Variants in LHFPL2 observed in about 807,000 individuals in gnomAD.
LHFPL2 encodes LHFPL tetraspan subfamily member 2.
LHFPL2 carries 7 observed loss-of-function variants against 17.5 expected under a neutral mutation model. The observed-to-expected ratio is 0.40, with a 90% CI of 0.23 to 0.75. The LOEUF (loss-of-function observed/expected upper bound fraction) is 0.75, where lower values mean the gene tolerates loss of function less well. Among genes scored for constraint, LHFPL2 ranks in the 30% least tolerant of loss-of-function variants. The pLI is 0.37. For synonymous variants in LHFPL2, 134 were observed against 116.2 expected, an observed-to-expected ratio of 1.15 and a Z score of -0.99; for missense variants, 241 against 294.8, an observed-to-expected ratio of 0.82 and a Z score of 1.34.
intron 3 of LHFPL2, among the ~76,000 whole-genome samples, chr5:78,564,182 A>G (rs1413919732): frequency 6.6e-6 from 1 of 152,192 alleles, no homozygotes; most frequent in African/African-American, 2.4e-5. Flanking sequence ...CCTTGGGAGA[A>G]GCAGGGCTGG....
At chr5:78,620,954 A>G (rs1017080714) in intron 2 of LHFPL2, among the ~76,000 whole-genome samples, 1 of 147,808 alleles carries the variant, frequency 6.8e-6, no homozygotes, top group Non-Finnish European at 1.5e-5. Flanking sequence ...AAAGAAAATC[A>G]TCATTCTCAA....
intron 2 of LHFPL2, among the ~76,000 whole-genome samples, chr5:78,612,978 T>C (rs1470062306): frequency 6.6e-6 from 1 of 152,178 alleles, no homozygotes; most frequent in East Asian, 1.9e-4. Flanking sequence ...GCATAGCTGG[T>C]GATCTTGAAG....
chr5:78,623,559 A>G (rs561339582), intron 2 of LHFPL2, among the ~76,000 whole-genome samples: 7 of 152,364 alleles, frequency 4.6e-5, no homozygotes, highest in African/African-American at 1.7e-4. Context: ...TCCACAGGCA[A>G]TGCTGAAACT....
intron 4 of LHFPL2, among the ~76,000 whole-genome samples, chr5:78,503,083 G>A (rs1043145073): frequency 6.6e-6 from 1 of 152,112 alleles, no homozygotes; most frequent in African/African-American, 2.4e-5. Context: ...GGCTGACCGC[G>A]CTGTAGGACA....
At chr5:78,554,293 T>TG (rs1159211586) in intron 3 of LHFPL2, among the ~76,000 whole-genome samples, 1 of 152,248 alleles carries the variant, frequency 6.6e-6, no homozygotes, top group Non-Finnish European at 1.5e-5. Context: ...CACAAGGAGT[T>TG]GGCCCTTAAG....
chr5:78,613,963 C>G (rs1744506572), intron 2 of LHFPL2, among the ~76,000 whole-genome samples: 2 of 152,180 alleles, frequency 1.3e-5, no homozygotes, highest in Admixed American at 1.3e-4. Context: ...TCAACATACT[C>G]CCTGGGGCTT....
rs76849410 is a variant in LHFPL2, at chr5:78,574,235, T to C, written c.-244-9364A>G. Among the ~76,000 whole-genome samples the C allele has an allele frequency of 3.8e-3, 580 of 152,318 alleles. 1 individual carries two copies. The highest frequency in any genetic ancestry group is 6.9e-3 in the Admixed American group (105 of 15,306). ...TGGTCCGTGGGGAGTATTTCACATT[T>C]CCCTTTAGCTGTTAAAGACGTGGGG... On this transcript the variant is annotated intron_variant, in intron 2 of 4. Transcript: ENST00000380345.
intron 3 of LHFPL2, among the ~76,000 whole-genome samples, chr5:78,558,459 G>A (rs1027090312): frequency 6.6e-6 from 1 of 152,194 alleles, no homozygotes; most frequent in Non-Finnish European, 1.5e-5. Flanking sequence ...TACCTGCTGG[G>A]AGATTTGCAT....
intron 4 of LHFPL2, among the ~76,000 whole-genome samples, chr5:78,500,176 G>A (rs567404164): frequency 6.6e-6 from 1 of 152,272 alleles, no homozygotes; most frequent in South Asian, 2.1e-4. Context: ...AAAGCCATCT[G>A]TAGCCAATTA....
At chr5:78,616,411 A>G (rs113750579) in intron 2 of LHFPL2, among the ~76,000 whole-genome samples, 2,036 of 151,924 alleles carry the variant, frequency 0.013, 45 homozygotes, top group African/African-American at 0.046. Flanking sequence ...ACAGGCATGA[A>G]CCACCGCGTC....
Position 78,648,432 on chromosome 5 carries a change from C to A in LHFPL2, c.-350+67G>T, listed in dbSNP as rs931560619. ...GCTCCCCATGCGCCCGCGCGGGGCG[C>A]CCACCTGGCCGGGCCCACCGGCTCT... On this transcript the variant is annotated intron_variant, in intron 1 of 4. Transcript: ENST00000380345. This position sits in a 1 kb window ranked among gnomAD's most constrained non-coding sequence, Gnocchi z 5.4. 2 of 151,202 alleles carry A rather than the reference C, an allele frequency of 1.3e-5. No individual in the cohort carries two copies. Among genetic ancestry groups the A allele is most frequent in the Admixed American group, 6.6e-5 (1 of 15,198 alleles). 9.4% of individuals were successfully genotyped at this position (151,202 alleles called of 1,614,324 possible). A position where few individuals can be genotyped will look rare whatever the true frequency, so the allele number is the denominator to read the frequency against.
At chr5:78,521,923 C>T (rs1458713997) in intron 3 of LHFPL2, among the ~76,000 whole-genome samples, 3 of 152,264 alleles carry the variant, frequency 2.0e-5, no homozygotes, top group Admixed American at 6.5e-5. Context: ...AGCAATAACC[C>T]TATGCTGTGT....
At chr5:78,548,880 C>A (rs2112389153) in intron 3 of LHFPL2, 1 of 152,302 alleles carries the variant, frequency 6.6e-6, no homozygotes, top group South Asian at 2.1e-4. Context: ...CCAGAAAAGC[C>A]TCCTAGAAAG....
At chr5:78,617,625 G>A (rs528665584) in intron 2 of LHFPL2, among the ~76,000 whole-genome samples, 1 of 151,982 alleles carries the variant, frequency 6.6e-6, no homozygotes, top group Non-Finnish European at 1.5e-5. Context: ...ATCTCATCTT[G>A]AAAGAATAAC....
At chr5:78,561,111 T>C (rs933056074) in intron 3 of LHFPL2, among the ~76,000 whole-genome samples, 48 of 152,352 alleles carry the variant, frequency 3.2e-4, no homozygotes, top group South Asian at 1.4e-3. Flanking sequence ...TTTGCACTCA[T>C]TGCACATTTC....
Position 78,491,920 on chromosome 5 carries a change from C to G in LHFPL2, c.431-2767G>C, listed in dbSNP as rs113780309. Among the ~76,000 whole-genome samples the G allele has an allele frequency of 2.0e-3, 302 of 152,226 alleles. 1 individual carries two copies. Among genetic ancestry groups the G allele is most frequent in the African/African-American group, 6.5e-3 (268 of 41,546 alleles). On this transcript the variant is annotated intron_variant, in intron 4 of 4. Coordinates refer to ENST00000380345, the MANE Select transcript of LHFPL2 (RefSeq NM_005779.3). ...AGATCCCCAGGCTACATTCAGTACT[C>G]TTGAAAAAATATTCTCCATCTGAAC...
intron 1 of LHFPL2, among the ~76,000 whole-genome samples, chr5:78,632,798 C>A (rs966676284): frequency 6.6e-6 from 1 of 152,098 alleles, no homozygotes; most frequent in Admixed American, 6.6e-5. Context: ...GAGGAAAATA[C>A]AAGGGTATAT....
At chr5:78,533,526 A>G (rs901639329) in intron 3 of LHFPL2, among the ~76,000 whole-genome samples, 1 of 152,242 alleles carries the variant, frequency 6.6e-6, no homozygotes, top group African/African-American at 2.4e-5. Flanking sequence ...CAGCTCTTCT[A>G]TCACCTTGAA....
At chr5:78,623,468 G>C (rs1228992809) in intron 2 of LHFPL2, among the ~76,000 whole-genome samples, 5 of 152,170 alleles carry the variant, frequency 3.3e-5, no homozygotes, top group Non-Finnish European at 7.4e-5. Flanking sequence ...TTTAAAAAGA[G>C]AAAGAAAGAG....
Sources: gnomAD v4.1 joint callset for allele counts (sites outside exome capture counted in the v4.1 genomes callset) on GRCh38, gnomAD v4.1.1 for gene constraint, Gnocchi (gnomAD v3.1) non-coding constraint, MANE v1.5 for transcripts, NCBI Gene and HGNC (gene_info 2026-07-23, HGNC 2026-07-21) for gene names.